SZT2: variants seen among roughly 807,000 people sequenced by gnomAD.
The protein encoded by SZT2 is SZT2 subunit of KICSTOR complex.
SZT2 carries 216 observed loss-of-function variants against 404.2 expected under a neutral mutation model. That is an observed-to-expected ratio of 0.53 (90% CI 0.48 to 0.60). SZT2 has a LOEUF of 0.60. Ranked by LOEUF, SZT2 falls within the 20% of genes least tolerant of loss-of-function variation. SZT2 has a pLI of 0.00. For synonymous variants in SZT2, 1,693 were observed against 1,749.9 expected (o/e 0.97, Z 0.81); for missense variants, 3,857 against 4,459.2 (o/e 0.86, Z 3.85).
At position 43,425,151 on chromosome 1, in the gene SZT2, C is replaced by T; in HGVS notation, c.2589C>T (p.His863=). The T allele has an allele frequency of 1.2e-6, 2 of 1,614,196 alleles. No homozygotes were observed. Among genetic ancestry groups the T allele is most frequent in the Non-Finnish European group, 1.7e-6 (2 of 1,180,018 alleles). ...GGCAGGCTGCAGCTGAAGAGAAGCA[C>T]ACCTGTGTTGTCCAGTACATCCTCT... ...PPGQAAAEEK[H]TCVVQYILFP... Residue 863 remains histidine (H), a synonymous_variant, in exon 18 of 72, where the codon CAC becomes CAT. Transcript: ENST00000634258. This position sits in a 1 kb window ranked among gnomAD's most constrained non-coding sequence, Gnocchi z 4.3.
chr1:43,432,536 A>C lies in SZT2; in HGVS notation c.5462A>C (p.Gln1821Pro). 6.2e-7 allele frequency: 1 copy of C among 1,609,864 alleles called. No homozygotes were observed. The highest frequency in any genetic ancestry group is 8.5e-7 in the Non-Finnish European group (1 of 1,177,940). ...IEGETLTASP[Q>P]APGSPEDSEG... ...CCTCAGACCCTGACAGCCAGCCCCC[A>C]AGCACCTGGGTCCCCAGAGGATTCT... is the stretch of plus-strand genomic sequence containing the variant. Residue 1821 changes from glutamine to proline, a missense_variant, in exon 38 of 72, where the codon CAA becomes CCA. Around this residue, in one of 7 missense-constraint regions of SZT2, gnomAD observed 1,725 missense variants for 1,881.0 expected, o/e 0.92. Transcript: ENST00000634258.
chr1:43,444,539 G>T (rs1324582495), intron 62 of SZT2, among the ~76,000 whole-genome samples: 1 of 152,070 alleles, frequency 6.6e-6, no homozygotes, highest in Non-Finnish European at 1.5e-5. Context: ...GGACCTCTGT[G>T]CTAGGCCTAC....
At chr1:43,397,368 G>T (rs1649115949) in intron 1 of SZT2, among the ~76,000 whole-genome samples, 2 of 151,328 alleles carry the variant, frequency 1.3e-5, no homozygotes, top group African/African-American at 4.9e-5. Context: ...GGAGGTTGCA[G>T]TGAGCCAAGA....
intron 2 of SZT2, 147 bp downstream of exon 2, chr1:43,403,449 A>C: frequency 7.1e-7 from 1 of 1,411,656 alleles, no homozygotes; most frequent in Non-Finnish European, 9.5e-7. Context: ...AAATTTTAAA[A>C]AATAATTTTT....
chr1:43,414,424 TA>T (rs560758285), intron 4 of SZT2, among the ~76,000 whole-genome samples: 3 of 151,872 alleles, frequency 2.0e-5, no homozygotes, highest in South Asian at 4.2e-4. Flanking sequence ...CAAAAATTTT[TA>T]AAAAAAAATT....
rs113168600 is a variant in SZT2 at position 43,413,598 on chromosome 1, A to G, written c.499-1484A>G. ...TGGATAAAGAAAATGTGGTACATAT[A>G]TACAATGGAATACTATTCAGCCATA... is the stretch of plus-strand genomic sequence containing the variant. On this transcript the variant is annotated intron_variant, in intron 4 of 71. Transcript: ENST00000634258. 7.1e-3 allele frequency among the ~76,000 whole-genome samples: 1,084 copies of G among 152,342 alleles called. 10 individuals are homozygous for G. Among genetic ancestry groups the G allele is most frequent in the African/African-American group, 0.025 (1,029 of 41,578 alleles).
intron 1 of SZT2, among the ~76,000 whole-genome samples, chr1:43,398,380 T>C (rs1215066468): frequency 6.6e-6 from 1 of 152,214 alleles, no homozygotes; most frequent in Non-Finnish European, 1.5e-5. Flanking sequence ...GACAGAGTGA[T>C]AAACAAATGA....
chr1:43,450,266 T>A lies in SZT2; in HGVS notation c.10156-71T>A. The A allele has an allele frequency of 1.2e-6, 2 of 1,613,622 alleles. No individual in the cohort carries two copies. Among genetic ancestry groups the A allele is most frequent in the Non-Finnish European group, 1.7e-6 (2 of 1,179,628 alleles). ...CTGCTGAGGTTGGGGTGCCCACCCT[T>A]TCTGAGCCCTGCCTCCTATCCCCAC... On this transcript the variant is annotated intron_variant, in intron 71 of 71. Coordinates refer to ENST00000634258, the MANE Select transcript of SZT2 (RefSeq NM_001365999.1). The surrounding 1 kb of genome is among the most constrained non-coding windows in gnomAD (Gnocchi z 4.3).
chr1:43,431,646 T>C, intron 35 of SZT2, 70 bp from the exon 36 acceptor site: 1 of 1,601,788 alleles, frequency 6.2e-7, no homozygotes. Context: ...AATTATCTTC[T>C]AGTCCGGGAG....
intron 70 of SZT2, chr1:43,449,168 GAC>G (rs1337364623): frequency 5.1e-6 from 1 of 197,740 alleles, no homozygotes; most frequent in Non-Finnish European, 1.0e-5. Flanking sequence ...TCTGCAGGTT[GAC>G]AGTCTCCCCA....
intron 1 of SZT2, among the ~76,000 whole-genome samples, chr1:43,393,614 TC>T (rs1483342482): frequency 2.0e-5 from 3 of 152,130 alleles, no homozygotes; most frequent in Non-Finnish European, 2.9e-5. Flanking sequence ...GGGGAAATAA[TC>T]CACATTATTT....
rs1656230390 is a variant in SZT2 at position 43,450,249 on chromosome 1, G to C, written c.10155+78G>C. 1 of 1,613,772 alleles carries C rather than the reference G, an allele frequency of 6.2e-7. No individual in the cohort carries two copies. The highest frequency in any genetic ancestry group is 1.7e-5 in the Admixed American group (1 of 60,004). On this transcript the variant is annotated intron_variant, in intron 71 of 71. Transcript: ENST00000634258. This position sits in a 1 kb window ranked among gnomAD's most constrained non-coding sequence, Gnocchi z 4.3. ...ATGCTCCACCTCGGAGCCTGCTGAG[G>C]TTGGGGTGCCCACCCTTTCTGAGCC...
chr1:43,426,252 G>T lies in SZT2; in HGVS notation c.3043+101G>T. 1 of 1,502,030 alleles carries T rather than the reference G, an allele frequency of 6.7e-7. No homozygotes were observed. The highest frequency in any genetic ancestry group is 1.2e-5 in the South Asian group (1 of 80,580). 93.0% of individuals were successfully genotyped at this position (1,502,030 alleles called of 1,614,324 possible). ...GATGGGTCAGCAAGTGAGCAGATGA[G>T]TGGTGGGGGCAGGAGGAGCCCATGA... On this transcript the variant is annotated intron_variant, in intron 21 of 71. Coordinates refer to ENST00000634258, the MANE Select transcript of SZT2 (RefSeq NM_001365999.1). The surrounding 1 kb of genome is among the most constrained non-coding windows in gnomAD (Gnocchi z 4.9).
rs1656624128 is a variant in SZT2, at chr1:43,453,148, A to G, written c.*2668A>G. On this transcript the variant is annotated 3_prime_UTR_variant, in exon 72 of 72. Coordinates refer to ENST00000634258, the MANE Select transcript of SZT2 (RefSeq NM_001365999.1). ...TATATATTTACTCTCCTATCTGCCT[A>G]GGCAGACTGAGCTCCCAGCATGGGA... 3.0e-6 allele frequency: 2 copies of G among 670,994 alleles called. No individual in the cohort carries two copies. Among genetic ancestry groups the G allele is most frequent in the African/African-American group, 1.8e-5 (1 of 56,440 alleles). 41.6% of individuals were successfully genotyped at this position (670,994 alleles called of 1,614,324 possible). A position where few individuals can be genotyped will look rare whatever the true frequency, so the allele number is the denominator to read the frequency against.
chr1:43,452,402 C>T lies in SZT2; in HGVS notation c.*1922C>T, dbSNP rs760221659. 44 of 1,112,480 alleles carry T rather than the reference C, an allele frequency of 4.0e-5. No individual in the cohort carries two copies. In the East Asian group the frequency reaches 7.7e-4, roughly 19 times the overall value. The allele number at this position is 1,112,480 out of a possible 1,614,324, so 68.9% of individuals were successfully genotyped here. ...AGGATTCCCTGACTGTGCCAGCCCT[C>T]GTCCGTCTCCCCAGGTCTCCAGTCC... On this transcript the variant is annotated 3_prime_UTR_variant, in exon 72 of 72. Coordinates refer to ENST00000634258, the MANE Select transcript of SZT2 (RefSeq NM_001365999.1).
Position 43,404,551 on chromosome 1 carries a change from G to A in SZT2, c.498+1G>A, listed in dbSNP as rs766399416. ...CATCATTGGACTGCAGTCCCACCAG[G>A]TATTGCATCATCTCTCCAAGTTTGT... On this transcript the variant is annotated splice_donor_variant, in intron 4 of 71. Transcript: ENST00000634258. LOFTEE classifies it high-confidence loss of function. 6.2e-7 allele frequency: 1 copy of A among 1,611,818 alleles called. No homozygotes were observed. Among genetic ancestry groups the A allele is most frequent in the Non-Finnish European group, 8.5e-7 (1 of 1,178,830 alleles).
intron 63 of SZT2, 28 bp from the exon 64 acceptor site, chr1:43,446,151 A>G: frequency 1.9e-6 from 3 of 1,613,896 alleles, no homozygotes; most frequent in South Asian, 2.2e-5. Flanking sequence ...TGAGCCCCCA[A>G]ACCTTGCCCC....
chr1:43,423,794 TA>T (rs1353109577), intron 15 of SZT2, among the ~76,000 whole-genome samples: 1 of 145,086 alleles, frequency 6.9e-6, no homozygotes, highest in Non-Finnish European at 1.5e-5. Flanking sequence ...GGGTGTGACT[TA>T]GGGGGGTATG....
At chr1:43,446,528 GTGAT>G (rs1655695111) in intron 65 of SZT2, 112 bp downstream of exon 65, 1 of 1,325,890 alleles carries the variant, frequency 7.5e-7, no homozygotes. Context: ...GGCTGGCCCA[GTGAT>G]TGATTCACTG....
Sources: gnomAD v4.1 joint callset for allele counts (sites outside exome capture counted in the v4.1 genomes callset) on GRCh38, gnomAD v4.1.1 for gene constraint, gnomAD v4.1.1 regional missense constraint, Gnocchi (gnomAD v3.1) non-coding constraint, MANE v1.5 for transcripts, NCBI Gene and HGNC (gene_info 2026-07-23, HGNC 2026-07-21) for gene names.